SCAF11: variants seen among roughly 807,000 people sequenced by gnomAD.
SCAF11 encodes the protein protein SCAF11.
A neutral mutation model predicts 140.5 loss-of-function variants in SCAF11; 47 were observed. The ratio of observed to expected loss-of-function variants is 0.33; its 90% CI spans 0.26 to 0.43. The LOEUF (loss-of-function observed/expected upper bound fraction) is 0.43, where lower values mean the gene tolerates loss of function less well. Among genes scored for constraint, SCAF11 ranks in the 20% least tolerant of loss-of-function variants. SCAF11 has a pLI of 1.00. For synonymous variants in SCAF11, 557 were observed against 579.4 expected, an observed-to-expected ratio of 0.96 and a Z score of 0.55; for missense variants, 1,645 against 1,705.1, an observed-to-expected ratio of 0.96 and a Z score of 0.62.
At chr12:45,984,044 G>T (rs969977515) in intron 1 of SCAF11, among the ~76,000 whole-genome samples, 30 of 152,156 alleles carry the variant, frequency 2.0e-4, no homozygotes, top group African/African-American at 7.2e-4. Flanking sequence ...AAAAGAACAC[G>T]TCTGTATGCT....
intron 1 of SCAF11, 100 bp downstream of exon 1, chr12:45,990,253 C>T: frequency 8.1e-7 from 1 of 1,227,980 alleles, no homozygotes; most frequent in Non-Finnish European, 1.0e-6. Context: ...GCCCTCGCGT[C>T]GCCCTAGGCC....
At chr12:45,944,931 T>TC (rs1248226985) in intron 6 of SCAF11, among the ~76,000 whole-genome samples, 1 of 151,914 alleles carries the variant, frequency 6.6e-6, no homozygotes, top group East Asian at 1.9e-4. Flanking sequence ...TAATCTCATC[T>TC]CCCCCAAGGA....
In SCAF11 at chr12:45,926,749, G is replaced by A. The variant is rs1250033209; in HGVS notation, c.2952C>T (p.Tyr984=). 6.8e-6 allele frequency: 11 copies of A among 1,613,860 alleles called. No homozygotes were observed. Among genetic ancestry groups the A allele is most frequent in the Non-Finnish European group, 9.3e-6 (11 of 1,179,972 alleles). ...TCTGTTTCTCTGGGTCATTCTTTCT[G>A]TACCGATCATTTCCTCGTGGACATC... The part of the protein sequence containing the change: ...GWRCPRGNDR[Y]RKNDPEKQNE... The change falls in exon 11 of 15, where the codon TAC becomes TAT. Residue 984 remains tyrosine (Y), a synonymous_variant. Transcript: ENST00000369367.
chr12:45,938,148 CCTCT>C (rs1295396567), intron 6 of SCAF11, among the ~76,000 whole-genome samples: 2 of 152,112 alleles, frequency 1.3e-5, no homozygotes, highest in African/African-American at 2.4e-5. Context: ...GTGCTGTCCC[CCTCT>C]CTCCAGCTTT....
Position 45,927,444 on chromosome 12 carries a change from A to C in SCAF11, c.2257T>G (p.Ser753Ala), listed in dbSNP as rs758874722. ...TCAGAAGACGGCATATTATTTTCAG[A>C]ACAGTGTGTCACAGAATTTTCATTC... ...QMNENSVTHC[S>A]ENNMPSSDLA... The change falls in exon 11 of 15, where the codon TCT becomes GCT. Residue 753 changes from serine (S) to alanine (A), a missense_variant. Ser to Ala is a moderately conservative substitution (Grantham distance 99, BLOSUM62 1). Coordinates refer to ENST00000369367, the MANE Select transcript of SCAF11 (RefSeq NM_004719.3). The C allele has an allele frequency of 3.7e-6, 6 of 1,613,606 alleles. No individual in the cohort carries two copies. Among genetic ancestry groups the C allele is most frequent in the Non-Finnish European group, 4.2e-6 (5 of 1,179,902 alleles).
intron 6 of SCAF11, among the ~76,000 whole-genome samples, chr12:45,942,065 A>G (rs1945315107): frequency 6.6e-6 from 1 of 152,216 alleles, no homozygotes; most frequent in Non-Finnish European, 1.5e-5. Context: ...TTCTTTCTCC[A>G]GCTTACTTTA....
chr12:45,933,845 T>TAA (rs1334328201), intron 8 of SCAF11, among the ~76,000 whole-genome samples: 1 of 152,160 alleles, frequency 6.6e-6, no homozygotes, highest in Non-Finnish European at 1.5e-5. Flanking sequence ...GGATCAGCTG[T>TAA]AAAAGGGTTC....
At chr12:45,968,173 TTATC>T (rs1183818435) in intron 1 of SCAF11, among the ~76,000 whole-genome samples, 1 of 152,368 alleles carries the variant, frequency 6.6e-6, no homozygotes, top group Non-Finnish European at 1.5e-5. Context: ...TGTAAGTTAA[TTATC>T]TATAAGTCAA....
At chr12:45,978,011 G>GCTCTTATT (rs538607811) in intron 1 of SCAF11, among the ~76,000 whole-genome samples, 8 of 152,136 alleles carry the variant, frequency 5.3e-5, no homozygotes, top group Non-Finnish European at 1.2e-4. Flanking sequence ...ACACTCTTAT[G>GCTCTTATT]TGACAGTCAT....
chr12:45,979,373 T>C (rs1199075001), intron 1 of SCAF11, among the ~76,000 whole-genome samples: 3 of 151,996 alleles, frequency 2.0e-5, no homozygotes, highest in Non-Finnish European at 4.4e-5. Context: ...ATAAAAATGC[T>C]TGTCACAGAA....
intron 3 of SCAF11, chr12:45,953,774 A>G (rs1945610739): frequency 2.3e-6 from 1 of 438,652 alleles, no homozygotes; most frequent in Non-Finnish European, 4.1e-6. Context: ...AGCAAGTTAC[A>G]GTCTCTCTGT....
chr12:45,952,774 T>G (rs1208272539), intron 3 of SCAF11, among the ~76,000 whole-genome samples: 1 of 152,192 alleles, frequency 6.6e-6, no homozygotes, highest in Non-Finnish European at 1.5e-5. Flanking sequence ...AAAGGTGATA[T>G]TATTAATACC....
intron 2 of SCAF11, among the ~76,000 whole-genome samples, chr12:45,962,413 G>C (rs1234885205): frequency 1.3e-5 from 2 of 152,116 alleles, no homozygotes; most frequent in Non-Finnish European, 2.9e-5. Context: ...TATATCTGTA[G>C]TGTAAGTTCC....
At chr12:45,956,627 C>T (rs1009321298) in intron 3 of SCAF11, among the ~76,000 whole-genome samples, 3 of 152,092 alleles carry the variant, frequency 2.0e-5, no homozygotes, top group African/African-American at 7.2e-5. Context: ...AAAATTAACC[C>T]CCAGTAAGAA....
At chr12:45,943,343 A>G (rs1455610815) in intron 6 of SCAF11, among the ~76,000 whole-genome samples, 1 of 152,186 alleles carries the variant, frequency 6.6e-6, no homozygotes, top group African/African-American at 2.4e-5. Flanking sequence ...ATTGTACACC[A>G]TTCTGAATAA....
intron 9 of SCAF11, among the ~76,000 whole-genome samples, chr12:45,932,797 A>G (rs1278323120): frequency 6.6e-6 from 1 of 152,146 alleles, no homozygotes; most frequent in East Asian, 1.9e-4. Flanking sequence ...TTCAGCGGAC[A>G]GCACGCAGGT....
At position 45,920,676 on chromosome 12, in the gene SCAF11, T is replaced by C; in HGVS notation, c.*1372A>G. 1 of 152,474 alleles carries C rather than the reference T, an allele frequency of 6.6e-6. No homozygotes were observed. Among genetic ancestry groups the C allele is most frequent in the Non-Finnish European group, 1.5e-5 (1 of 67,998 alleles). The allele number at this position is 152,474 out of a possible 1,614,324, so 9.4% of individuals were successfully genotyped here. A position where few individuals can be genotyped will look rare whatever the true frequency, so the allele number is the denominator to read the frequency against. Reference sequence around the variant, plus strand: ...AGGACTCCATTATTTAAATTTCCCCTCTGTTTCTAAAACACAGGTTTTACT... The same window carrying C: ...AGGACTCCATTATTTAAATTTCCCCCCTGTTTCTAAAACACAGGTTTTACT... On this transcript the variant is annotated 3_prime_UTR_variant, in exon 15 of 15. Transcript: ENST00000369367.
At chr12:45,948,604 C>T in intron 4 of SCAF11, 67 bp from the exon 5 acceptor site, 2 of 964,552 alleles carry the variant, frequency 2.1e-6, no homozygotes, top group South Asian at 2.9e-5. Context: ...TAAATTCTTC[C>T]TTGAAATGAT....
intron 11 of SCAF11, 95 bp downstream of exon 11, chr12:45,926,047 T>A (rs2136501466): frequency 7.5e-7 from 1 of 1,328,754 alleles, no homozygotes; most frequent in Non-Finnish European, 1.0e-6. Flanking sequence ...TTATAAAAAC[T>A]ACAAATAAGG....
Sources: allele counts gnomAD v4.1 joint callset (sites outside exome capture counted in the v4.1 genomes callset), GRCh38; gene constraint gnomAD v4.1.1; transcripts MANE v1.5; gene names NCBI Gene and HGNC (gene_info 2026-07-23, HGNC 2026-07-21).